The following TRPS1 variants were observed in gnomAD, a reference collection of about 807,000 sequenced individuals.
TRPS1 encodes the protein zinc finger transcription factor Trps1.
In TRPS1, 6 loss-of-function variants were observed where a neutral mutation model predicts 101.2. The observed-to-expected ratio is 0.06, with a 90% CI of 0.03 to 0.12. The LOEUF is 0.12. TRPS1 is among the 10% of genes least tolerant of loss of function. The probability of loss-of-function intolerance (pLI) is 1.00; values close to 1 mark genes in which losing one functional copy is unlikely to be tolerated. For synonymous variants in TRPS1, 578 were observed against 589.8 expected (o/e 0.98, Z 0.29); for missense variants, 1,363 against 1,567.0 (o/e 0.87, Z 2.20).
chr8:115,556,257 T>C (rs1816818105), intron 5 of TRPS1, among the ~76,000 whole-genome samples: 1 of 146,202 alleles, frequency 6.8e-6, no homozygotes, highest in Non-Finnish European at 1.5e-5. Context: ...ACAAAACTAT[T>C]TTTTTTAACA....
intron 1 of TRPS1, among the ~76,000 whole-genome samples, chr8:115,632,274 T>C (rs1394128138): frequency 6.6e-6 from 1 of 152,150 alleles, no homozygotes; most frequent in Admixed American, 6.6e-5. Context: ...AAATTTTTCA[T>C]TCTGTATTCT....
chr8:115,647,030 C>T (rs577892633), intron 1 of TRPS1, among the ~76,000 whole-genome samples: 4 of 152,028 alleles, frequency 2.6e-5, no homozygotes, highest in South Asian at 4.2e-4. Flanking sequence ...TTAAAATTAA[C>T]GAAGAAATCA....
chr8:115,612,801 T>G (rs932183189), intron 3 of TRPS1, among the ~76,000 whole-genome samples: 1 of 152,180 alleles, frequency 6.6e-6, no homozygotes, highest in Non-Finnish European at 1.5e-5. Flanking sequence ...GCTTTCTGAA[T>G]TCAATGAAAT....
chr8:115,636,868 C>G (rs529760457), intron 1 of TRPS1, among the ~76,000 whole-genome samples: 95 of 151,750 alleles, frequency 6.3e-4, no homozygotes, highest in Non-Finnish European at 1.2e-3. Flanking sequence ...GCCGAGACAG[C>G]ACCACCACAC....
At chr8:115,506,423 G>A (rs1332054516) in intron 5 of TRPS1, among the ~76,000 whole-genome samples, 1 of 151,604 alleles carries the variant, frequency 6.6e-6, no homozygotes, top group Admixed American at 6.6e-5. Context: ...TCTCTTCTGT[G>A]TCAAGTAGAA....
At chr8:115,539,300 C>T (rs1392445833) in intron 5 of TRPS1, among the ~76,000 whole-genome samples, 3 of 152,260 alleles carry the variant, frequency 2.0e-5, no homozygotes, top group South Asian at 4.1e-4. Flanking sequence ...AGATAAATTT[C>T]ATTTTAATTT....
intron 1 of TRPS1, among the ~76,000 whole-genome samples, chr8:115,645,967 C>G (rs187427006): frequency 6.6e-6 from 1 of 152,218 alleles, no homozygotes; most frequent in African/African-American, 2.4e-5. Context: ...TCTACAATAG[C>G]TGACGGCTAG....
chr8:115,433,699 A>G (rs913468982), intron 5 of TRPS1, among the ~76,000 whole-genome samples: 2 of 152,156 alleles, frequency 1.3e-5, no homozygotes, highest in African/African-American at 4.8e-5. Flanking sequence ...ATTGTAGCAC[A>G]GTACTAAACG....
intron 5 of TRPS1, among the ~76,000 whole-genome samples, chr8:115,559,594 A>G (rs1402580352): frequency 6.6e-6 from 1 of 152,132 alleles, no homozygotes; most frequent in Admixed American, 6.6e-5. Context: ...CCCTGCTCTC[A>G]GCAGACACTG....
At chr8:115,477,741 A>G (rs1814641379) in intron 5 of TRPS1, among the ~76,000 whole-genome samples, 1 of 152,152 alleles carries the variant, frequency 6.6e-6, no homozygotes, top group South Asian at 2.1e-4. Context: ...GCTACATCAC[A>G]TAGGAAACAC....
chr8:115,582,028 C>T (rs1205684314), intron 5 of TRPS1, among the ~76,000 whole-genome samples: 3 of 152,128 alleles, frequency 2.0e-5, no homozygotes, highest in African/African-American at 4.8e-5. Context: ...GGCCTAAAGT[C>T]ATGGCTTCAT....
intron 6 of TRPS1, among the ~76,000 whole-genome samples, chr8:115,415,721 G>T (rs989695536): frequency 6.6e-6 from 1 of 152,172 alleles, no homozygotes; most frequent in Non-Finnish European, 1.5e-5. Flanking sequence ...AGGTGGCTTA[G>T]TAAGGAAGAC....
At chr8:115,662,561 C>T (rs2130631988) in intron 1 of TRPS1, among the ~76,000 whole-genome samples, 1 of 151,872 alleles carries the variant, frequency 6.6e-6, no homozygotes, top group Non-Finnish European at 1.5e-5. Context: ...CTTTTTGCCC[C>T]CTAAAAAGAT....
chr8:115,545,646 A>T (rs1816552457), intron 5 of TRPS1, among the ~76,000 whole-genome samples: 1 of 152,322 alleles, frequency 6.6e-6, no homozygotes, highest in East Asian at 1.9e-4. Context: ...ACTTTAAAAA[A>T]ATATTAAAAT....
At chr8:115,615,214 G>T (rs1162947886) in intron 3 of TRPS1, among the ~76,000 whole-genome samples, 1 of 152,164 alleles carries the variant, frequency 6.6e-6, no homozygotes, top group Admixed American at 6.5e-5. Flanking sequence ...GTAATAAAAA[G>T]AATTCACTAA....
chr8:115,414,661 T>C lies in TRPS1; in HGVS notation c.3247A>G (p.Lys1083Glu). ...GSSERGSPIE[K>E]YMRPAKHPNY... is the part of the protein sequence containing the mutation. The stretch of plus-strand genomic sequence containing the variant: ...GGGTGTTTCGCAGGTCTCATGTACT[T>C]TTCTATAGGACTGCCTCTCTCAGAA... Residue 1083 changes from lysine (K) to glutamate (E), a missense_variant, in exon 7 of 7, where the codon AAG becomes GAG. Physicochemically the swap from Lys to Glu is moderately conservative, Grantham distance 56. This residue lies in a region of TRPS1 where 307 missense variants were observed against 392.4 expected (regional missense o/e 0.78). Coordinates refer to ENST00000395715, the MANE Select transcript of TRPS1 (RefSeq NM_014112.5). The surrounding 1 kb of genome is among the most constrained non-coding windows in gnomAD (Gnocchi z 4.8). The C allele has an allele frequency of 6.2e-7, 1 of 1,614,064 alleles. No individual in the cohort carries two copies. The highest frequency in any genetic ancestry group is 8.5e-7 in the Non-Finnish European group (1 of 1,179,954).
chr8:115,604,669 C>A lies in TRPS1; in HGVS notation c.1300G>T (p.Asp434Tyr), dbSNP rs754601803. ...TCTGTACCATTTTGTCTAGAGGAATCGAGGGGCTTTATGGGCACTGAGTAC... is the reference window on the plus strand; with the variant it reads ...TCTGTACCATTTTGTCTAGAGGAATAGAGGGGCTTTATGGGCACTGAGTAC... ...VGYSVPIKPL[D>Y]SSRQNGTEAT... The change falls in exon 4 of 7, where the codon GAT becomes TAT. Residue 434 changes from aspartate (D) to tyrosine (Y), a missense_variant. By Grantham distance (160) the Asp-to-Tyr change is radical. Coordinates refer to ENST00000395715, the MANE Select transcript of TRPS1 (RefSeq NM_014112.5). The surrounding 1 kb of genome is among the most constrained non-coding windows in gnomAD (Gnocchi z 4.1). 6.2e-7 allele frequency: 1 copy of A among 1,613,878 alleles called. No individual in the cohort carries two copies.
Position 115,619,912 on chromosome 8 carries a change from A to C in TRPS1, c.186T>G (p.Ser62Arg), listed in dbSNP as rs1404818728. 1.2e-6 allele frequency: 2 copies of C among 1,613,650 alleles called. No homozygotes were observed. The highest frequency in any genetic ancestry group is 2.7e-5 in the African/African-American group (2 of 74,758). Residue 62 changes from serine (S) to arginine (R), a missense_variant, in exon 3 of 7, where the codon AGT (serine) becomes AGG (arginine). Around this residue, in one of 5 missense-constraint regions of TRPS1, gnomAD observed 1,020 missense variants for 1,073.0 expected, o/e 0.95. Transcript: ENST00000395715. ...CCTTATGATTTAGTTCTGCAGCATC[A>C]CTCTGATCCGTATTTTCTGACATCT... ...ADQMSENTDQ[S>R]DAAELNHKEE...
At chr8:115,472,468 T>A (rs774979861) in intron 5 of TRPS1, among the ~76,000 whole-genome samples, 3 of 152,206 alleles carry the variant, frequency 2.0e-5, no homozygotes, top group African/African-American at 4.8e-5. Flanking sequence ...GGGCCTGTGA[T>A]GGAGGGGCTG....
Sources: allele counts gnomAD v4.1 joint callset (sites outside exome capture counted in the v4.1 genomes callset), GRCh38; gene constraint gnomAD v4.1.1; regional missense constraint gnomAD v4.1.1; non-coding constraint Gnocchi (gnomAD v3.1); transcripts MANE v1.5; gene names NCBI Gene and HGNC (gene_info 2026-07-23, HGNC 2026-07-21).